The following CHST7 variants were observed in gnomAD, a reference collection of about 807,000 sequenced individuals.
CHST7 encodes the protein N-acetylglucosamine 6-O-sulfotransferase 4.
CHST7 carries 5 observed loss-of-function variants against 9.0 expected under a neutral mutation model. The ratio of observed to expected loss-of-function variants is 0.56; its 90% CI spans 0.29 to 1.17. The LOEUF (loss-of-function observed/expected upper bound fraction) is 1.17. CHST7 is among the 50% of genes most tolerant of loss of function. The pLI is 0.08. For synonymous variants in CHST7, 244 were observed against 237.1 expected, an observed-to-expected ratio of 1.03 and a Z score of -0.27; for missense variants, 377 against 485.1, an observed-to-expected ratio of 0.78 and a Z score of 2.09.
intron 1 of CHST7, among the ~76,000 whole-genome samples, chrX:46,589,467 T>C (rs1439580118): frequency 9.1e-6 from 1 of 109,408 alleles, no homozygotes. Flanking sequence ...AGAGAATTGC[T>C]TGAACCCAGG....
At chrX:46,584,507 A>G (rs1942539529) in intron 1 of CHST7, among the ~76,000 whole-genome samples, 1 of 85,646 alleles carries the variant, frequency 1.2e-5, no homozygotes, top group Non-Finnish European at 2.1e-5. Context: ...ATTGCACTCC[A>G]GTCTGGGCAA....
intron 1 of CHST7, among the ~76,000 whole-genome samples, chrX:46,597,493 TCCA>T (rs986543055): frequency 2.2e-4 from 25 of 111,656 alleles, no homozygotes; most frequent in African/African-American, 7.5e-4. Flanking sequence ...CAGCAGGCGC[TCCA>T]CAACAGCAGC....
chrX:46,584,529 CTG>C (rs1439595947), intron 1 of CHST7, among the ~76,000 whole-genome samples: 2 of 50,729 alleles, frequency 3.9e-5, no homozygotes, highest in East Asian at 1.5e-3. Flanking sequence ...AACAGTGAAA[CTG>C]TCTCAAAAAA....
intron 1 of CHST7, among the ~76,000 whole-genome samples, chrX:46,576,793 TTTG>T (rs1473909796): frequency 1.8e-5 from 2 of 112,364 alleles, no homozygotes; most frequent in African/African-American, 3.2e-5. Flanking sequence ...GAAGAGGGAT[TTTG>T]TTGTTGTTAC....
intron 1 of CHST7, among the ~76,000 whole-genome samples, chrX:46,583,674 T>A (rs1602109032): frequency 8.9e-6 from 1 of 112,554 alleles, no homozygotes; most frequent in African/African-American, 3.2e-5. Context: ...TGTGTAATGA[T>A]CAAGTCGGTA....
intron 1 of CHST7, among the ~76,000 whole-genome samples, chrX:46,597,448 A>G (rs989965341): frequency 2.7e-5 from 3 of 111,361 alleles, no homozygotes; most frequent in Non-Finnish European, 3.8e-5. Flanking sequence ...CCTCCTACAC[A>G]CTACCCAGAA....
At chrX:46,592,376 T>C (rs1942577009) in intron 1 of CHST7, among the ~76,000 whole-genome samples, 1 of 112,484 alleles carries the variant, frequency 8.9e-6, no homozygotes, top group African/African-American at 3.2e-5. Context: ...GTTTTTTGTT[T>C]TGTTTTGTTT....
At chrX:46,581,381 C>A (rs1262733126) in intron 1 of CHST7, among the ~76,000 whole-genome samples, 4 of 107,219 alleles carry the variant, frequency 3.7e-5, no homozygotes, top group Non-Finnish European at 7.7e-5. Context: ...CATGGTGAAA[C>A]CCTGTCTCTA....
chrX:46,596,422 G>A lies in CHST7; in HGVS notation c.*32-1338G>A, dbSNP rs140125305. On this transcript the variant is annotated intron_variant, in intron 1 of 1. Transcript: ENST00000276055. The stretch of plus-strand genomic sequence containing the variant: ...TGAAACACGTGTACCTTTTCCTGTG[G>A]TTTATAATCCCTGGGTCTGGGGGTG... 4.6e-3 allele frequency among the ~76,000 whole-genome samples: 505 copies of A among 110,282 alleles called. 8 individuals carry two copies. The East Asian group carries it at 0.049, about 11-fold the overall frequency.
At chrX:46,586,987 G>A (rs1418679936) in intron 1 of CHST7, among the ~76,000 whole-genome samples, 3 of 110,831 alleles carry the variant, frequency 2.7e-5, no homozygotes, top group Non-Finnish European at 3.8e-5. Context: ...CACCCGCCTC[G>A]GCCTCCCAAA....
In CHST7 at chrX:46,575,167, G is replaced by T; in HGVS notation, c.1236G>T (p.Ala412=). 9.1e-7 allele frequency: 1 copy of T among 1,096,467 alleles called. No homozygotes were observed. The allele number at this position is 1,096,467 out of a possible 1,213,427, so 90.4% of individuals were successfully genotyped here. The part of the protein sequence containing the change: ...DAFALNMTRG[A]AYGADRPFHL... ...TCGCGCTCAACATGACTCGCGGCGCGGCCTACGGCGCCGACCGGCCCTTCC... is the reference window on the plus strand; with the variant it reads ...TCGCGCTCAACATGACTCGCGGCGCTGCCTACGGCGCCGACCGGCCCTTCC... Residue 412 remains alanine, a synonymous_variant, in exon 1 of 2, where the codon GCG becomes GCT. Coordinates refer to ENST00000276055, the MANE Select transcript of CHST7 (RefSeq NM_019886.4).
intron 1 of CHST7, among the ~76,000 whole-genome samples, chrX:46,587,486 C>T (rs1005681829): frequency 8.9e-6 from 1 of 111,962 alleles, no homozygotes; most frequent in Non-Finnish European, 1.9e-5. Flanking sequence ...ACTAGCACCC[C>T]GTGCCACTGC....
intron 1 of CHST7, among the ~76,000 whole-genome samples, chrX:46,596,666 T>C (rs12011965): frequency 0.057 from 6,295 of 110,100 alleles, 425 homozygotes; most frequent in African/African-American, 0.19. Flanking sequence ...TAGAAAGGGG[T>C]TGGGCACAGT....
Position 46,589,537 on chromosome X carries a change from G to C in CHST7, c.*32-8223G>C, listed in dbSNP as rs753889988. On this transcript the variant is annotated intron_variant, in intron 1 of 1. Transcript: ENST00000276055. ...TGCACTCCAGCCTGGGCGACAGAGAGAGACTCTGTCTCAAAAAAAAAAAAA... is the reference window on the plus strand; with the variant it reads ...TGCACTCCAGCCTGGGCGACAGAGACAGACTCTGTCTCAAAAAAAAAAAAA... Among the ~76,000 whole-genome samples the C allele has an allele frequency of 4.7e-5, 5 of 106,250 alleles. No individual in the cohort carries two copies. In the East Asian group the frequency reaches 1.5e-3, roughly 31 times the overall value. The allele number at this position is 106,250 out of a possible 115,157, so 92.3% of individuals were successfully genotyped here.
chrX:46,584,535 C>A (rs867115734), intron 1 of CHST7, among the ~76,000 whole-genome samples: 45 of 52,672 alleles, frequency 8.5e-4, no homozygotes, highest in East Asian at 2.0e-3. Flanking sequence ...GAAACTGTCT[C>A]AAAAAAAAAA....
At chrX:46,592,768 C>CCTTACTT (rs1332158182) in intron 1 of CHST7, among the ~76,000 whole-genome samples, 1 of 106,238 alleles carries the variant, frequency 9.4e-6, no homozygotes, top group African/African-American at 3.4e-5. Flanking sequence ...TTAATTATTT[C>CCTTACTT]CTTACTTCTG....
Position 46,574,958 on chromosome X carries a change from G to C in CHST7, c.1027G>C (p.Gly343Arg), listed in dbSNP as rs773199454. ...AAPRADFFLT[G>R]ALEVICEAWL... ...GCCGCGCGCCGATTTCTTCCTGACC[G>C]GTGCGCTCGAGGTGATCTGCGAAGC... Residue 343 changes from glycine to arginine, a missense_variant, in exon 1 of 2, where the codon GGT becomes CGT. By Grantham distance (125) the Gly-to-Arg change is moderately radical. Coordinates refer to ENST00000276055, the MANE Select transcript of CHST7 (RefSeq NM_019886.4). 1.7e-6 allele frequency: 2 copies of C among 1,159,439 alleles called. No homozygotes were observed. The highest frequency in any genetic ancestry group is 2.6e-5 in the Admixed American group (1 of 38,437).
In CHST7 at chrX:46,574,603, C is replaced by A; in HGVS notation, c.672C>A (p.Ala224=). The part of the protein sequence containing the change: ...RAEVGLVEDT[A]CERSCPPVAI... ...AGGTGGGCCTCGTCGAGGACACCGC[C>A]TGCGAGCGCAGCTGCCCACCCGTGG... Residue 224 remains alanine (A), a synonymous_variant, in exon 1 of 2, where the codon GCC becomes GCA. Coordinates refer to ENST00000276055, the MANE Select transcript of CHST7 (RefSeq NM_019886.4). The A allele has an allele frequency of 8.3e-7, 1 of 1,204,497 alleles. No homozygotes were observed. Among genetic ancestry groups the A allele is most frequent in the Non-Finnish European group, 1.1e-6 (1 of 891,791 alleles).
intron 1 of CHST7, among the ~76,000 whole-genome samples, chrX:46,595,854 C>T (rs920934823): frequency 1.8e-5 from 2 of 111,643 alleles, no homozygotes; most frequent in African/African-American, 6.5e-5. Flanking sequence ...GTCAGCCCAT[C>T]TGGCTGGGCG....
Sources: allele counts gnomAD v4.1 joint callset (sites outside exome capture counted in the v4.1 genomes callset), GRCh38; gene constraint gnomAD v4.1.1; transcripts MANE v1.5; gene names NCBI Gene and HGNC (gene_info 2026-07-23, HGNC 2026-07-21).